Variants in UBE2R2 observed in about 807,000 individuals in gnomAD.
UBE2R2 encodes ubiquitin conjugating enzyme E2 R2.
UBE2R2 carries 1 observed loss-of-function variant against 27.8 expected under a neutral mutation model. That is an observed-to-expected ratio of 0.04 (90% CI 0.01 to 0.17). The LOEUF (loss-of-function observed/expected upper bound fraction) is 0.17, where lower values mean the gene tolerates loss of function less well. Among genes scored for constraint, UBE2R2 ranks in the 10% least tolerant of loss-of-function variants. The probability of loss-of-function intolerance (pLI) is 1.00; values close to 1 mark genes in which losing one functional copy is unlikely to be tolerated. For missense variants in UBE2R2, 100 were observed against 291.0 expected, an observed-to-expected ratio of 0.34 and a Z score of 4.78; for synonymous variants, 106 against 113.3, an observed-to-expected ratio of 0.94 and a Z score of 0.41.
chr9:33,825,102 C>T (rs1023315081), intron 1 of UBE2R2, among the ~76,000 whole-genome samples: 1 of 152,044 alleles, frequency 6.6e-6, no homozygotes, highest in Non-Finnish European at 1.5e-5. Flanking sequence ...AAAGTCACTT[C>T]CTTAAAGATA....
chr9:33,913,910 T>C (rs558259835), intron 4 of UBE2R2, among the ~76,000 whole-genome samples: 15 of 152,312 alleles, frequency 9.8e-5, no homozygotes, highest in African/African-American at 3.1e-4. Context: ...GTACCAAACA[T>C]TGAAGATAAT....
At chr9:33,899,162 A>T (rs1438805807) in intron 2 of UBE2R2, among the ~76,000 whole-genome samples, 3 of 151,936 alleles carry the variant, frequency 2.0e-5, no homozygotes, top group Non-Finnish European at 4.4e-5. Context: ...AAACAAAGGG[A>T]TATATATTTG....
chr9:33,896,945 T>G (rs1822119387), intron 2 of UBE2R2, among the ~76,000 whole-genome samples: 3 of 120,230 alleles, frequency 2.5e-5, no homozygotes, highest in Admixed American at 2.3e-4. Context: ...GAAGGTTGTG[T>G]TTTTTGTGTT....
intron 1 of UBE2R2, among the ~76,000 whole-genome samples, chr9:33,867,731 T>TAC (rs1175672239): frequency 6.6e-6 from 1 of 152,212 alleles, no homozygotes; most frequent in African/African-American, 2.4e-5. Context: ...GCTTCCTGGG[T>TAC]ACACGCCATT....
intron 1 of UBE2R2, among the ~76,000 whole-genome samples, chr9:33,833,400 A>C (rs1241307937): frequency 2.0e-5 from 3 of 151,858 alleles, no homozygotes; most frequent in East Asian, 3.9e-4. Flanking sequence ...TGGTTTCACC[A>C]TGTTGGCCAG....
chr9:33,877,819 G>GTCTCTCTCTCTCTCTCTCTC (rs1435783363), intron 1 of UBE2R2, among the ~76,000 whole-genome samples: 94 of 92,960 alleles, frequency 1.0e-3, no homozygotes, highest in South Asian at 3.1e-3. Flanking sequence ...CTGTCTGTCT[G>GTCTCTCTCTCTCTCTCTCTC]TCTGTCTCTC....
At chr9:33,854,045 T>C (rs2130757581) in intron 1 of UBE2R2, among the ~76,000 whole-genome samples, 1 of 152,242 alleles carries the variant, frequency 6.6e-6, no homozygotes, top group African/African-American at 2.4e-5. Flanking sequence ...TCCCACAAAA[T>C]GTAGTGTTTT....
intron 3 of UBE2R2, among the ~76,000 whole-genome samples, chr9:33,906,426 C>T (rs1822358103): frequency 6.6e-6 from 1 of 152,098 alleles, no homozygotes; most frequent in Admixed American, 6.6e-5. Flanking sequence ...CTGGCATAAG[C>T]TTAGATTTTT....
intron 1 of UBE2R2, among the ~76,000 whole-genome samples, chr9:33,821,677 A>G (rs1310846946): frequency 6.7e-6 from 1 of 150,260 alleles, no homozygotes; most frequent in African/African-American, 2.5e-5. Flanking sequence ...GTGCAGTGGC[A>G]CGATCTCAGC....
At chr9:33,856,091 C>G (rs1821094833) in intron 1 of UBE2R2, among the ~76,000 whole-genome samples, 1 of 152,050 alleles carries the variant, frequency 6.6e-6, no homozygotes, top group South Asian at 2.1e-4. Flanking sequence ...GGGCTCTTAC[C>G]CTGTCCTGGT....
chr9:33,830,628 C>T (rs996273168), intron 1 of UBE2R2, among the ~76,000 whole-genome samples: 2 of 151,488 alleles, frequency 1.3e-5, no homozygotes, highest in Non-Finnish European at 1.5e-5. Flanking sequence ...ATTAGCCTGT[C>T]GTGGTGTTGT....
intron 1 of UBE2R2, among the ~76,000 whole-genome samples, chr9:33,839,344 TCTC>T (rs1820682146): frequency 6.6e-6 from 1 of 152,044 alleles, no homozygotes; most frequent in African/African-American, 2.4e-5. Context: ...TTCGAGCAAT[TCTC>T]CTGCCTCAGC....
At chr9:33,833,005 GTTA>G (rs954971108) in intron 1 of UBE2R2, among the ~76,000 whole-genome samples, 2 of 152,114 alleles carry the variant, frequency 1.3e-5, no homozygotes, top group African/African-American at 4.8e-5. Context: ...AGGACTCAGA[GTTA>G]TTATTTGTGT....
chr9:33,839,486 C>T (rs1333427601), intron 1 of UBE2R2, among the ~76,000 whole-genome samples: 1 of 152,158 alleles, frequency 6.6e-6, no homozygotes, highest in African/African-American at 2.4e-5. Context: ...GATCCACCCG[C>T]CTCAGCCTTC....
rs1266452503 is a variant in UBE2R2, at chr9:33,834,224, A to C, written c.177+16290A>C. On this transcript the variant is annotated intron_variant, in intron 1 of 4. Coordinates refer to ENST00000263228, the MANE Select transcript of UBE2R2 (RefSeq NM_017811.4). The stretch of plus-strand genomic sequence containing the variant: ...TTTTTCTTTTTTTTTTTTTGGAGAC[A>C]GAGTCTCGCTCTGTTGCCCAGGCTG... 3.5e-5 allele frequency among the ~76,000 whole-genome samples: 5 copies of C among 144,608 alleles called. No individual in the cohort carries two copies. In the South Asian group the frequency reaches 1.1e-3, roughly 32 times the overall value. The allele number at this position is 144,608 out of a possible 152,430, so 94.9% of individuals were successfully genotyped here.
intron 1 of UBE2R2, among the ~76,000 whole-genome samples, chr9:33,871,595 T>G (rs1821484447): frequency 6.6e-6 from 1 of 152,220 alleles, no homozygotes. Context: ...TACTTGTTCT[T>G]ATGAGTTTGC....
intron 1 of UBE2R2, among the ~76,000 whole-genome samples, chr9:33,831,733 C>T (rs1375674176): frequency 2.6e-5 from 4 of 152,084 alleles, no homozygotes; most frequent in Admixed American, 2.0e-4. Flanking sequence ...GGTCTTGGCT[C>T]ACTGCAAGTT....
At chr9:33,869,867 A>G (rs1158626965) in intron 1 of UBE2R2, among the ~76,000 whole-genome samples, 3 of 151,410 alleles carry the variant, frequency 2.0e-5, no homozygotes. Flanking sequence ...TTTTTTTGAG[A>G]TGGAGTTTCG....
intron 1 of UBE2R2, among the ~76,000 whole-genome samples, chr9:33,832,452 C>T (rs539267466): frequency 1.3e-5 from 2 of 151,958 alleles, no homozygotes; most frequent in Middle Eastern, 3.4e-3. Flanking sequence ...GTCAGGAGAT[C>T]GAGACCATCC....
Sources: allele counts gnomAD v4.1 joint callset (sites outside exome capture counted in the v4.1 genomes callset), GRCh38; gene constraint gnomAD v4.1.1; transcripts MANE v1.5; gene names NCBI Gene and HGNC (gene_info 2026-07-23, HGNC 2026-07-21).